The following SIRT5 variants were observed in gnomAD, a reference collection of about 807,000 sequenced individuals.
The protein encoded by SIRT5 is sirtuin 5.
In SIRT5, 26 loss-of-function variants were observed where a neutral mutation model predicts 40.0. The observed-to-expected ratio is 0.65, with a 90% CI of 0.48 to 0.90. The LOEUF is 0.90. SIRT5 is among the 40% of genes least tolerant of loss of function. SIRT5 has a pLI of 0.00. For missense variants in SIRT5, 401 were observed against 402.4 expected (o/e 1.00, Z 0.03); for synonymous variants, 146 against 149.1 (o/e 0.98, Z 0.15).
chr6:13,606,502 C>G (rs1197130067), intron 9 of SIRT5, among the ~76,000 whole-genome samples: 2 of 152,134 alleles, frequency 1.3e-5, no homozygotes, highest in African/African-American at 4.8e-5. Context: ...GTCCAGCGCT[C>G]TCCCTGGCTG....
intron 9 of SIRT5, among the ~76,000 whole-genome samples, chr6:13,609,582 G>T (rs1763573166): frequency 6.6e-6 from 1 of 152,182 alleles, no homozygotes; most frequent in Non-Finnish European, 1.5e-5. Flanking sequence ...TCTGCACCTG[G>T]GTTGGAAATC....
rs755415825 is a variant in SIRT5, at chr6:13,599,204, TTTTTCCTTCCCCCTCTCCTC to T, written c.741+60_741+79del. On this transcript the variant is annotated intron_variant, in intron 8 of 9. Transcript: ENST00000606117. Reference sequence around the variant, plus strand: ...CCAGGACAGGACTGGAGTTTGTTATTTTTTCCTTCCCCCTCTCCTCTTTTCCTTCCTCCCTCCCTTGCTTC... The same window carrying T: ...CCAGGACAGGACTGGAGTTTGTTATTTTTTCCTTCCTCCCTCCCTTGCTTC... 17 of 1,568,542 alleles carry T rather than the reference TTTTTCCTTCCCCCTCTCCTC, an allele frequency of 1.1e-5. No individual in the cohort carries two copies. The African/African-American group carries it at 1.8e-4, about 16-fold the overall frequency.
At position 13,599,124 on chromosome 6, in the gene SIRT5, G is replaced by C; in HGVS notation, c.710G>C (p.Arg237Thr). Reference sequence around the variant, plus strand: ...CCTGCCATTCTGGAGGAGGTTGACAGAGAGCTCGCCCACTGTGATTTATGT... The same window carrying C: ...CCTGCCATTCTGGAGGAGGTTGACACAGAGCTCGCCCACTGTGATTTATGT... ...LDPAILEEVDRELAHCDLCLV... is the reference protein window; with the variant it reads ...LDPAILEEVDTELAHCDLCLV... The change falls in exon 8 of 10, where the codon AGA (arginine) becomes ACA (threonine). Residue 237 changes from arginine to threonine, a missense_variant. By Grantham distance (71) the Arg-to-Thr change is moderately conservative. Coordinates refer to ENST00000606117, the MANE Select transcript of SIRT5 (RefSeq NM_012241.5). 3 of 1,614,138 alleles carry C rather than the reference G, an allele frequency of 1.9e-6. No individual in the cohort carries two copies. Among genetic ancestry groups the C allele is most frequent in the Non-Finnish European group, 2.5e-6 (3 of 1,180,000 alleles).
chr6:13,605,651 G>A (rs1763006972), intron 9 of SIRT5: 1 of 985,290 alleles, frequency 1.0e-6, no homozygotes, highest in Admixed American at 6.1e-5. Flanking sequence ...TTTTGGTTTT[G>A]TCGTTTTCCC....
intron 9 of SIRT5, among the ~76,000 whole-genome samples, chr6:13,603,016 G>A (rs776300807): frequency 3.9e-5 from 6 of 152,230 alleles, no homozygotes; most frequent in East Asian, 3.9e-4. Context: ...GGTGGCTCAC[G>A]CCTGTAATCC....
intron 5 of SIRT5, 113 bp downstream of exon 5, chr6:13,592,007 C>A: frequency 1.0e-6 from 1 of 983,738 alleles, no homozygotes; most frequent in Non-Finnish European, 1.5e-6. Flanking sequence ...CCGTCCTGTC[C>A]TATAGGATGC....
intron 4 of SIRT5, among the ~76,000 whole-genome samples, chr6:13,590,290 T>G (rs898474042): frequency 1.3e-5 from 2 of 152,192 alleles, no homozygotes; most frequent in Non-Finnish European, 2.9e-5. Context: ...TGCCTTTCCC[T>G]GCCAGCTCCC....
At chr6:13,611,349 AACAT>A (rs938453496) in intron 9 of SIRT5, among the ~76,000 whole-genome samples, 2 of 151,278 alleles carry the variant, frequency 1.3e-5, no homozygotes, top group Non-Finnish European at 2.9e-5. Context: ...ATACACATAA[AACAT>A]ATATATGTAT....
chr6:13,600,705 C>G, intron 8 of SIRT5, 129 bp from the exon 9 acceptor site: 1 of 629,274 alleles, frequency 1.6e-6, no homozygotes, highest in Non-Finnish European at 2.8e-6. Flanking sequence ...CCTGTTTTAT[C>G]CCATCCTGTT....
At chr6:13,605,208 C>T (rs1486294029) in intron 9 of SIRT5, 1 of 969,920 alleles carries the variant, frequency 1.0e-6, no homozygotes, top group Non-Finnish European at 1.2e-6. Context: ...CCAAATTTGC[C>T]CACCACCTGT....
At chr6:13,611,377 ATAAC>A (rs2127746543) in intron 9 of SIRT5, among the ~76,000 whole-genome samples, 1 of 151,882 alleles carries the variant, frequency 6.6e-6, no homozygotes, top group South Asian at 2.1e-4. Flanking sequence ...AAATACATAT[ATAAC>A]ACACATACAT....
At position 13,588,546 on chromosome 6, in the gene SIRT5, C is replaced by T. The variant is rs868188482; in HGVS notation, c.249+82C>T. On this transcript the variant is annotated intron_variant, in intron 4 of 9. Coordinates refer to ENST00000606117, the MANE Select transcript of SIRT5 (RefSeq NM_012241.5). Reference sequence around the variant, plus strand: ...TTGACTCAAATCCTATACCGATCCCCGAAACCCCAGGGAAATGGTTTTTAA... The same window carrying T: ...TTGACTCAAATCCTATACCGATCCCTGAAACCCCAGGGAAATGGTTTTTAA... The T allele has an allele frequency of 5.3e-5, 78 of 1,468,224 alleles. 1 individual carries two copies. In the Middle Eastern group the frequency reaches 1.8e-3, roughly 34 times the overall value. The allele number at this position is 1,468,224 out of a possible 1,614,324, so 90.9% of individuals were successfully genotyped here. A position where few individuals can be genotyped will look rare whatever the true frequency, so the allele number is the denominator to read the frequency against.
In SIRT5 at chr6:13,613,082, T is replaced by C. The variant is rs1311537550; in HGVS notation, c.*1217T>C. On this transcript the variant is annotated 3_prime_UTR_variant, in exon 10 of 10. Coordinates refer to ENST00000606117, the MANE Select transcript of SIRT5 (RefSeq NM_012241.5). ...AACATAGGGTTTATTTGGGGAACCT[T>C]ACAGGGTGGTCCAGTGGCCGCGGGC... 1 of 152,296 alleles carries C rather than the reference T, an allele frequency of 6.6e-6. No homozygotes were observed. The highest frequency in any genetic ancestry group is 1.5e-5 in the Non-Finnish European group (1 of 68,114). 9.4% of individuals were successfully genotyped at this position (152,296 alleles called of 1,614,324 possible). A position where few individuals can be genotyped will look rare whatever the true frequency, so the allele number is the denominator to read the frequency against.
At chr6:13,574,348 T>A (rs1584713250), upstream of SIRT5, among the ~76,000 whole-genome samples, 1 of 151,802 alleles carries the variant, frequency 6.6e-6, no homozygotes, top group African/African-American at 2.4e-5. Context: ...CCGCGGCCTC[T>A]CCCGCTCGGG....
chr6:13,591,604 G>T, intron 4 of SIRT5, 65 bp from the exon 5 acceptor site: 1 of 1,348,538 alleles, frequency 7.4e-7, no homozygotes, highest in South Asian at 1.5e-5. Flanking sequence ...AAGGGCCTGT[G>T]CCCCAGGGTT....
chr6:13,595,692 G>A lies in SIRT5; in HGVS notation c.563+128G>A, dbSNP rs570841827. On this transcript the variant is annotated intron_variant, in intron 6 of 9. Coordinates refer to ENST00000606117, the MANE Select transcript of SIRT5 (RefSeq NM_012241.5). The stretch of plus-strand genomic sequence containing the variant: ...TATGAGAAATAAGACTAAATACAAG[G>A]CTGGGTGCAGTGGCTCATGCCTGTA... 14 of 783,592 alleles carry A rather than the reference G, an allele frequency of 1.8e-5. No homozygotes were observed. The African/African-American group carries it at 2.1e-4, about 12-fold the overall frequency. The allele number at this position is 783,592 out of a possible 1,614,324, so 48.5% of individuals were successfully genotyped here.
At chr6:13,592,355 A>G (rs1049648485) in intron 5 of SIRT5, among the ~76,000 whole-genome samples, 3 of 152,188 alleles carry the variant, frequency 2.0e-5, no homozygotes, top group Non-Finnish European at 4.4e-5. Context: ...AATGGCCTCA[A>G]TGAGCTGAGG....
At chr6:13,599,273 C>T (rs922513999) in intron 8 of SIRT5, 118 bp downstream of exon 8, 3 of 1,067,324 alleles carry the variant, frequency 2.8e-6, no homozygotes, top group East Asian at 2.7e-5. Context: ...TTCTCTCCTC[C>T]CTCCATTTCT....
chr6:13,604,930 A>G (rs1233383684), intron 9 of SIRT5: 1 of 995,164 alleles, frequency 1.0e-6, no homozygotes, highest in East Asian at 1.1e-4. Flanking sequence ...TGACCACAAG[A>G]ACTGTCATCT....
Sources: allele counts gnomAD v4.1 joint callset (sites outside exome capture counted in the v4.1 genomes callset), GRCh38; gene constraint gnomAD v4.1.1; transcripts MANE v1.5; gene names NCBI Gene and HGNC (gene_info 2026-07-23, HGNC 2026-07-21).